Variants in ACTR2 observed in about 807,000 individuals in gnomAD.
ACTR2 encodes the protein actin related protein 2.
ACTR2 carries 5 observed loss-of-function variants against 50.2 expected under a neutral mutation model. That is an observed-to-expected ratio of 0.10 (90% confidence interval 0.05 to 0.21). The LOEUF (loss-of-function observed/expected upper bound fraction) is 0.21. Ranked by LOEUF, ACTR2 falls within the 10% of genes least tolerant of loss-of-function variation. ACTR2 has a pLI of 1.00. For missense variants in ACTR2, 180 were observed against 480.6 expected (o/e 0.37, Z 5.85); for synonymous variants, 140 against 162.9 (o/e 0.86, Z 1.07).
intron 2 of ACTR2, among the ~76,000 whole-genome samples, chr2:65,241,413 G>A (rs1014120936): frequency 6.6e-6 from 1 of 152,184 alleles, no homozygotes; most frequent in Non-Finnish European, 1.5e-5. Context: ...TTAAGGCCAA[G>A]TGATAGAAAT....
At chr2:65,236,734 C>T (rs1558620598) in intron 1 of ACTR2, among the ~76,000 whole-genome samples, 1 of 152,124 alleles carries the variant, frequency 6.6e-6, no homozygotes, top group Admixed American at 6.5e-5. Flanking sequence ...GCATGCACCA[C>T]CATACCTGGC....
chr2:65,256,871 C>T (rs1243467331), intron 6 of ACTR2, among the ~76,000 whole-genome samples: 3 of 58,612 alleles, frequency 5.1e-5, no homozygotes, highest in South Asian at 5.1e-4. Context: ...GACTCCATGT[C>T]GGTAAAAAAA....
At chr2:65,233,593 AT>A (rs916191578) in intron 1 of ACTR2, among the ~76,000 whole-genome samples, 113 of 149,498 alleles carry the variant, frequency 7.6e-4, no homozygotes, top group Middle Eastern at 6.8e-3. Context: ...AGCCAGTATA[AT>A]TTTTTTTTTA....
At position 65,269,058 on chromosome 2, in the gene ACTR2, C is replaced by T. The variant is rs1191691726; in HGVS notation, c.*324C>T. 1.0e-5 allele frequency: 2 copies of T among 195,348 alleles called. No homozygotes were observed. The highest frequency in any genetic ancestry group is 2.1e-5 in the Non-Finnish European group (2 of 96,394). The allele number at this position is 195,348 out of a possible 1,614,324, so 12.1% of individuals were successfully genotyped here. ...CTGCTCTAATGCTGCTAGTCGTAGT[C>T]TTTAGCACACTAGGTGGTATGCCTT... On this transcript the variant is annotated 3_prime_UTR_variant, in exon 9 of 9. Coordinates refer to ENST00000260641, the MANE Select transcript of ACTR2 (RefSeq NM_005722.4).
Position 65,271,157 on chromosome 2 carries a change from A to G in ACTR2, c.*2423A>G, listed in dbSNP as rs1344661087. The G allele has an allele frequency of 6.6e-6, 1 of 152,198 alleles. No individual in the cohort carries two copies. The highest frequency in any genetic ancestry group is 1.5e-5 in the Non-Finnish European group (1 of 68,028). The allele number at this position is 152,198 out of a possible 1,614,324, so 9.4% of individuals were successfully genotyped here. ...TTCTGAGTACTGTTAATATCTGGAA[A>G]GTATCTTGAGATATCAGTGGAAAGC... On this transcript the variant is annotated 3_prime_UTR_variant, in exon 9 of 9. Transcript: ENST00000260641.
At chr2:65,265,298 G>A (rs1672350564) in intron 8 of ACTR2, 123 bp downstream of exon 8, 1 of 1,044,076 alleles carries the variant, frequency 9.6e-7, no homozygotes, top group Admixed American at 1.8e-5. Flanking sequence ...CTGCAGTCAA[G>A]TGCATCCTGG....
intron 6 of ACTR2, among the ~76,000 whole-genome samples, chr2:65,259,840 G>A (rs779377356): frequency 6.6e-6 from 1 of 152,148 alleles, no homozygotes; most frequent in Non-Finnish European, 1.5e-5. Context: ...TTATTACTTA[G>A]GACAATCCAG....
chr2:65,264,933 A>G, intron 7 of ACTR2, 110 bp from the exon 8 acceptor site: 1 of 1,265,480 alleles, frequency 7.9e-7, no homozygotes, highest in Non-Finnish European at 1.1e-6. Flanking sequence ...TACATGTGGA[A>G]TTTTATTTAA....
intron 7 of ACTR2, among the ~76,000 whole-genome samples, chr2:65,262,803 T>C (rs1672294324): frequency 1.3e-5 from 2 of 151,696 alleles, no homozygotes; most frequent in African/African-American, 4.8e-5. Context: ...CATAAATTTT[T>C]TTCAAAAAGA....
chr2:65,263,310 A>G (rs1163466719), intron 7 of ACTR2, among the ~76,000 whole-genome samples: 1 of 98,682 alleles, frequency 1.0e-5, no homozygotes, highest in Admixed American at 9.1e-5. Flanking sequence ...TAGCTTTCTG[A>G]TATCTTTCAC....
At chr2:65,250,954 A>G in intron 3 of ACTR2, 73 bp from the exon 4 acceptor site, 2 of 1,065,262 alleles carry the variant, frequency 1.9e-6, no homozygotes, top group East Asian at 2.6e-5. Flanking sequence ...TCACTCTGTG[A>G]CCATGAGGAA....
intron 4 of ACTR2, among the ~76,000 whole-genome samples, chr2:65,252,430 G>A (rs577556059): frequency 1.3e-3 from 197 of 151,124 alleles, no homozygotes; most frequent in African/African-American, 4.7e-3. Flanking sequence ...CACGAGGTCA[G>A]GAGATCGAGA....
At chr2:65,256,540 A>C (rs1201363059) in intron 6 of ACTR2, among the ~76,000 whole-genome samples, 1 of 152,208 alleles carries the variant, frequency 6.6e-6, no homozygotes, top group Non-Finnish European at 1.5e-5. Flanking sequence ...CATATTCACA[A>C]ATATATGCAA....
intron 2 of ACTR2, chr2:65,242,087 C>G (rs1319593859): frequency 4.5e-6 from 7 of 1,559,418 alleles, no homozygotes; most frequent in Non-Finnish European, 5.3e-6. Context: ...CACACATGCT[C>G]TGTTTGTTTT....
chr2:65,246,859 T>C (rs1671947398), intron 3 of ACTR2, 120 bp downstream of exon 3: 3 of 757,294 alleles, frequency 4.0e-6, no homozygotes, highest in Non-Finnish European at 4.2e-6. Flanking sequence ...TCAGATCTTA[T>C]TAAGTATCTA....
intron 8 of ACTR2, 54 bp from the exon 9 acceptor site, chr2:65,268,510 A>G: frequency 6.6e-7 from 1 of 1,503,936 alleles, no homozygotes; most frequent in African/African-American, 1.4e-5. Flanking sequence ...ATTTTCATAA[A>G]GCAGAAAGCA....
At chr2:65,259,168 A>G (rs1672213976) in intron 6 of ACTR2, among the ~76,000 whole-genome samples, 1 of 152,016 alleles carries the variant, frequency 6.6e-6, no homozygotes, top group Non-Finnish European at 1.5e-5. Context: ...TCTTCCCCAT[A>G]ATCCCAGCAA....
At chr2:65,264,521 C>G (rs1672336948) in intron 7 of ACTR2, among the ~76,000 whole-genome samples, 1 of 152,060 alleles carries the variant, frequency 6.6e-6, no homozygotes, top group African/African-American at 2.4e-5. Context: ...GTACTGCTGT[C>G]AGTAGATAGC....
At chr2:65,245,913 C>G (rs1671928379) in intron 2 of ACTR2, among the ~76,000 whole-genome samples, 1 of 152,170 alleles carries the variant, frequency 6.6e-6, no homozygotes, top group Non-Finnish European at 1.5e-5. Context: ...TATAACTCTA[C>G]AAATTCTCAT....
Sources: allele counts gnomAD v4.1 joint callset (sites outside exome capture counted in the v4.1 genomes callset), GRCh38; gene constraint gnomAD v4.1.1; transcripts MANE v1.5; gene names NCBI Gene and HGNC (gene_info 2026-07-23, HGNC 2026-07-21).